The following DCAF6 variants were observed in gnomAD, a reference collection of about 807,000 sequenced individuals.
DCAF6 encodes the protein DDB1- and CUL4-associated factor 6.
In DCAF6, 54 loss-of-function variants were observed where a neutral mutation model predicts 125.1. The ratio of observed to expected loss-of-function variants is 0.43; its 90% CI spans 0.35 to 0.54. The LOEUF (loss-of-function observed/expected upper bound fraction) is 0.54, where lower values mean the gene tolerates loss of function less well. Ranked by LOEUF, DCAF6 falls within the 20% of genes least tolerant of loss-of-function variation. DCAF6 has a pLI of 0.01. For synonymous variants in DCAF6, 371 were observed against 390.4 expected, an observed-to-expected ratio of 0.95 and a Z score of 0.58; for missense variants, 934 against 1,161.7, an observed-to-expected ratio of 0.80 and a Z score of 2.85.
intron 17 of DCAF6, among the ~76,000 whole-genome samples, chr1:168,055,148 A>G (rs1022925225): frequency 6.6e-6 from 1 of 152,156 alleles, no homozygotes; most frequent in African/African-American, 2.4e-5. Context: ...CGTCTTTAAC[A>G]CATACCCACA....
At chr1:168,072,091 A>G (rs1193478940) in intron 21 of DCAF6, among the ~76,000 whole-genome samples, 2 of 151,632 alleles carry the variant, frequency 1.3e-5, no homozygotes, top group African/African-American at 4.9e-5. Context: ...AGGTCAGGAG[A>G]TTGAGACCAG....
chr1:168,068,461 C>T lies in DCAF6; in HGVS notation c.2789C>T (p.Ala930Val). The T allele has an allele frequency of 1.4e-6, 2 of 1,469,914 alleles. No individual in the cohort carries two copies. Among genetic ancestry groups the T allele is most frequent in the South Asian group, 1.5e-5 (1 of 68,246 alleles). 91.1% of individuals were successfully genotyped at this position (1,469,914 alleles called of 1,614,324 possible). Residue 930 changes from alanine to valine, a missense_variant and splice_region_variant, in exon 21 of 22, where the codon GCT (alanine) becomes GTT (valine). Coordinates refer to ENST00000367840, the MANE Select transcript of DCAF6 (RefSeq NM_001198956.2). ...TTGGCTTCACTTAATCATATCCGAG[C>T]TGGTAGGAACTTTAAGTATACTACT... is the stretch of plus-strand genomic sequence containing the variant. ...RMLASLNHIR[A>V]DRLEGDRSEG... is the part of the protein sequence containing the mutation.
At chr1:168,008,937 C>T (rs908844723) in intron 10 of DCAF6, among the ~76,000 whole-genome samples, 1 of 142,568 alleles carries the variant, frequency 7.0e-6, no homozygotes, top group African/African-American at 2.6e-5. Context: ...CTTTCTCTCT[C>T]TCTCTTTCTC....
chr1:167,938,678 T>A (rs924611114), intron 1 of DCAF6, among the ~76,000 whole-genome samples: 3 of 152,216 alleles, frequency 2.0e-5, no homozygotes, highest in Non-Finnish European at 4.4e-5. Context: ...TTAACATTGT[T>A]TTGCATGGAT....
chr1:167,984,754 CTTA>C (rs1186372670), intron 4 of DCAF6, among the ~76,000 whole-genome samples: 3 of 152,016 alleles, frequency 2.0e-5, no homozygotes, highest in Admixed American at 6.6e-5. Context: ...GGGTATAAAT[CTTA>C]TTATTCTGTG....
At chr1:167,891,581 G>A in the DCAF6 span, among the ~76,000 whole-genome samples, 230 of 150,860 alleles carry the variant, frequency 1.5e-3, no homozygotes, top group African/African-American at 5.4e-3. Flanking sequence ...GCATGAACCC[G>A]GGAGGCGGAG....
At chr1:167,989,712 A>G (rs1307532429) in intron 5 of DCAF6, among the ~76,000 whole-genome samples, 2 of 152,074 alleles carry the variant, frequency 1.3e-5, no homozygotes, top group South Asian at 2.1e-4. Context: ...GAGAAACCCC[A>G]TCTCTACTAA....
chr1:167,918,594 CT>C, the DCAF6 span, among the ~76,000 whole-genome samples: 28,550 of 132,936 alleles, frequency 0.21, 2,757 homozygotes, highest in Admixed American at 0.36. Flanking sequence ...CTGCCAAAAA[CT>C]TTTTTTTTTT....
At chr1:168,045,274 A>G (rs751233369) in intron 16 of DCAF6, 47 bp downstream of exon 16, 1 of 1,499,406 alleles carries the variant, frequency 6.7e-7, no homozygotes, top group Non-Finnish European at 8.9e-7. Flanking sequence ...TGTATTTCAC[A>G]AGGATTTGTT....
chr1:168,074,554 C>T (rs904432315), intron 21 of DCAF6, among the ~76,000 whole-genome samples: 6 of 152,068 alleles, frequency 3.9e-5, no homozygotes, highest in Non-Finnish European at 5.9e-5. Flanking sequence ...TAACTCCTGC[C>T]CTCCAGGAAC....
At chr1:167,920,519 A>C in the DCAF6 span, 27 of 1,604,852 alleles carry the variant, frequency 1.7e-5, no homozygotes, top group Non-Finnish European at 2.3e-5. Context: ...GTTCTACAAG[A>C]AACACAGAAG....
At chr1:168,004,849 T>C in intron 10 of DCAF6, 56 bp downstream of exon 10, 1 of 1,562,158 alleles carries the variant, frequency 6.4e-7, no homozygotes, top group South Asian at 1.2e-5. Flanking sequence ...AAAATTTCTT[T>C]ACTGGCTATT....
chr1:167,976,881 T>C (rs1678275467), intron 4 of DCAF6, among the ~76,000 whole-genome samples: 1 of 145,040 alleles, frequency 6.9e-6, no homozygotes, highest in Non-Finnish European at 1.5e-5. Context: ...GTACATCCTT[T>C]AGCAGTTTTT....
the DCAF6 span, among the ~76,000 whole-genome samples, chr1:167,873,864 TTC>T: frequency 1.3e-5 from 2 of 152,216 alleles, no homozygotes; most frequent in Non-Finnish European, 2.9e-5. Flanking sequence ...AAGTTAAGAA[TTC>T]TGTTTATTAA....
the DCAF6 span, among the ~76,000 whole-genome samples, chr1:167,873,325 G>A: frequency 8.0e-3 from 1,220 of 152,252 alleles, 6 homozygotes; most frequent in Admixed American, 0.014. Flanking sequence ...AGCAGTGAAA[G>A]TGAGGCATTT....
upstream of DCAF6, chr1:167,935,842 C>G: frequency 1.3e-6 from 2 of 1,549,688 alleles, no homozygotes; most frequent in Non-Finnish European, 8.7e-7. Flanking sequence ...CGGCCGACAT[C>G]GCCGCCGAGG....
chr1:168,013,624 C>CT (rs1684581569), intron 10 of DCAF6, among the ~76,000 whole-genome samples: 1 of 152,130 alleles, frequency 6.6e-6, no homozygotes, highest in Non-Finnish European at 1.5e-5. Flanking sequence ...TCAGGGACAT[C>CT]ATTCCTGTGG....
intron 20 of DCAF6, 89 bp from the exon 21 acceptor site, chr1:168,068,269 C>A (rs910904448): frequency 2.4e-6 from 2 of 833,790 alleles, no homozygotes; most frequent in Non-Finnish European, 4.0e-6. Flanking sequence ...CCTCCTGGTA[C>A]TGGCTGATTG....
At chr1:167,902,059 G>GA in the DCAF6 span, 122,499 of 1,089,026 alleles carry the variant, frequency 0.11, 304 homozygotes, top group African/African-American at 0.14. Flanking sequence ...ACACTTCTGA[G>GA]AAAAAAAAAA....
Sources: allele counts gnomAD v4.1 joint callset (sites outside exome capture counted in the v4.1 genomes callset), GRCh38; gene constraint gnomAD v4.1.1; transcripts MANE v1.5; gene names NCBI Gene and HGNC (gene_info 2026-07-23, HGNC 2026-07-21).